TBX19: variants seen among roughly 807,000 people sequenced by gnomAD.
TBX19 encodes T-box transcription factor 19, also known as T-box transcription factor TBX19.
TBX19 carries 33 observed loss-of-function variants against 40.9 expected under a neutral mutation model. That is an observed-to-expected ratio of 0.81 (90% CI 0.61 to 1.08). TBX19 has a LOEUF of 1.08. Ranked by LOEUF, TBX19 falls within the 50% of genes least tolerant of loss-of-function variation. The pLI is 0.00. For missense variants in TBX19, 494 were observed against 574.0 expected, an observed-to-expected ratio of 0.86 and a Z score of 1.42; for synonymous variants, 220 against 225.0, an observed-to-expected ratio of 0.98 and a Z score of 0.20.
At chr1:168,296,281 C>T (rs944911364) in intron 3 of TBX19, among the ~76,000 whole-genome samples, 5 of 152,178 alleles carry the variant, frequency 3.3e-5, no homozygotes, top group Non-Finnish European at 7.3e-5. Context: ...CTCACAAGTT[C>T]TGAGCCAGAA....
At chr1:168,283,035 A>G (rs768513198) in intron 1 of TBX19, among the ~76,000 whole-genome samples, 3 of 152,182 alleles carry the variant, frequency 2.0e-5, no homozygotes, top group Non-Finnish European at 4.4e-5. Flanking sequence ...ATTTTCCCCT[A>G]TATTTAAAAT....
At chr1:168,312,572 A>G in intron 7 of TBX19, 136 bp from the exon 8 acceptor site, 1 of 976,720 alleles carries the variant, frequency 1.0e-6, no homozygotes, top group Non-Finnish European at 1.6e-6. Flanking sequence ...TCTGCGTCAT[A>G]GCTAGAAATA....
At chr1:168,305,598 C>G (rs1160107881) in intron 6 of TBX19, among the ~76,000 whole-genome samples, 1 of 152,160 alleles carries the variant, frequency 6.6e-6, no homozygotes, top group Non-Finnish European at 1.5e-5. Flanking sequence ...TCAGGGAATA[C>G]TGGGTCTAGC....
Position 168,281,304 on chromosome 1 carries a change from C to G in TBX19, c.203+11C>G, listed in dbSNP as rs772544411. On this transcript the variant is annotated intron_variant, in intron 1 of 7. Coordinates refer to ENST00000367821, the MANE Select transcript of TBX19 (RefSeq NM_005149.3). ...GACCAAGAATGGCAGGTGAGTTTATCTGCCGCCCCGCGTGGGCTGGCAGGG... is the reference window on the plus strand; with the variant it reads ...GACCAAGAATGGCAGGTGAGTTTATGTGCCGCCCCGCGTGGGCTGGCAGGG... 48 of 1,613,872 alleles carry G rather than the reference C, an allele frequency of 3.0e-5. 1 individual carries two copies. In the South Asian group the frequency reaches 5.3e-4, roughly 18 times the overall value.
rs576060086 is a variant in TBX19, at chr1:168,300,648, C to T, written c.727+165C>T. Among the ~76,000 whole-genome samples, 293 of 152,248 alleles carry T rather than the reference C, an allele frequency of 1.9e-3. 2 individuals carry two copies. Among genetic ancestry groups the T allele is most frequent in the Non-Finnish European group, 2.7e-3 (182 of 68,028 alleles). On this transcript the variant is annotated intron_variant, in intron 5 of 7. Coordinates refer to ENST00000367821, the MANE Select transcript of TBX19 (RefSeq NM_005149.3). ...ACAAATTTGTGCCCTTTCCAGAATT[C>T]CAGAGAGAGAGCCAATGGTCCTAGG...
chr1:168,282,577 A>G (rs1648687956), intron 1 of TBX19, among the ~76,000 whole-genome samples: 2 of 152,200 alleles, frequency 1.3e-5, no homozygotes, highest in South Asian at 4.1e-4. Flanking sequence ...CTGTAATTAT[A>G]GTTCCTTCTC....
rs1259580058 is a variant in TBX19 at position 168,280,964 on chromosome 1, C to T, written c.-127C>T. Reference sequence around the variant, plus strand: ...TCATCCTAGGAGCTTAGGCAAGAGCCAGGGTATCTTCTCTCCGCTCCCCAA... The same window carrying T: ...TCATCCTAGGAGCTTAGGCAAGAGCTAGGGTATCTTCTCTCCGCTCCCCAA... On this transcript the variant is annotated 5_prime_UTR_variant, in exon 1 of 8. Transcript: ENST00000367821. 9.2e-6 allele frequency: 8 copies of T among 870,770 alleles called. No individual in the cohort carries two copies. The highest frequency in any genetic ancestry group is 1.1e-5 in the Non-Finnish European group (6 of 535,574). 53.9% of individuals were successfully genotyped at this position (870,770 alleles called of 1,614,324 possible). A position where few individuals can be genotyped will look rare whatever the true frequency, so the allele number is the denominator to read the frequency against.
intron 1 of TBX19, among the ~76,000 whole-genome samples, chr1:168,288,261 A>G (rs772946382): frequency 2.2e-5 from 3 of 135,706 alleles, no homozygotes; most frequent in Non-Finnish European, 4.8e-5. Flanking sequence ...TGCTATGTAA[A>G]TAGTTATGCC....
chr1:168,297,096 C>T (rs1649130527), intron 3 of TBX19, among the ~76,000 whole-genome samples: 1 of 151,772 alleles, frequency 6.6e-6, no homozygotes, highest in South Asian at 2.1e-4. Context: ...ATCTCTATCA[C>T]GATCACTATC....
intron 7 of TBX19, 141 bp from the exon 8 acceptor site, chr1:168,312,567 G>A (rs577982799): frequency 3.0e-5 from 28 of 937,032 alleles, no homozygotes; most frequent in Middle Eastern, 3.2e-4. Flanking sequence ...ACCAATCTGC[G>A]TCATAGCTAG....
At chr1:168,308,504 A>T in intron 6 of TBX19, 1 of 531,150 alleles carries the variant, frequency 1.9e-6, no homozygotes, top group Non-Finnish European at 3.4e-6. Flanking sequence ...CGTATCTATA[A>T]GATGGAGTTA....
In TBX19 at chr1:168,293,285, G is replaced by GTGTT. The variant is rs72294615; in HGVS notation, c.603+10_603+11insTTGT. The GTGTT allele has an allele frequency of 0.055, 43,353 of 793,836 alleles. 504 individuals carry two copies. The highest frequency in any genetic ancestry group is 0.14 in the African/African-American group (3,515 of 24,922). 49.2% of individuals were successfully genotyped at this position (793,836 alleles called of 1,614,324 possible). On this transcript the variant is annotated splice_region_variant and intron_variant, in intron 3 of 7. Transcript: ENST00000367821. ...TGCCTATCAGAATGAGGAGGTAAGA[G>GTGTT]TGTGTGTGTGTGTGTGTGTGTGTGT...
chr1:168,281,978 A>G (rs1447928320), intron 1 of TBX19, among the ~76,000 whole-genome samples: 1 of 152,186 alleles, frequency 6.6e-6, no homozygotes, highest in African/African-American at 2.4e-5. Flanking sequence ...CATTTCTCAG[A>G]TTCTATTAAA....
At chr1:168,312,553 C>T (rs1572485665) in intron 7 of TBX19, among the ~76,000 whole-genome samples, 155 bp from the exon 8 acceptor site, 2 of 152,304 alleles carry the variant, frequency 1.3e-5, no homozygotes, top group African/African-American at 4.8e-5. Flanking sequence ...TCTGCAGAAA[C>T]AGGACCAATC....
At chr1:168,284,463 C>T in intron 1 of TBX19, among the ~76,000 whole-genome samples, 1 of 151,798 alleles carries the variant, frequency 6.6e-6, no homozygotes, top group East Asian at 1.9e-4. Flanking sequence ...TTGCTTGAGC[C>T]CAGGAGTTTG....
chr1:168,298,410 T>G (rs1187642570), intron 4 of TBX19, among the ~76,000 whole-genome samples: 2 of 144,902 alleles, frequency 1.4e-5, no homozygotes, highest in Non-Finnish European at 2.9e-5. Flanking sequence ...CACTCTGCCT[T>G]TTTCCTAATT....
rs1649564511 is a variant in TBX19 at position 168,313,012 on chromosome 1, T to C, written c.*10T>C. 1.2e-6 allele frequency: 2 copies of C among 1,613,966 alleles called. No individual in the cohort carries two copies. Among genetic ancestry groups the C allele is most frequent in the South Asian group, 2.2e-5 (2 of 91,072 alleles). ...CTCACTGGATGGTTAAGCAGGATCC[T>C]AGGAGCCTCTTTGCACAGCGATCCT... On this transcript the variant is annotated 3_prime_UTR_variant, in exon 8 of 8. Coordinates refer to ENST00000367821, the MANE Select transcript of TBX19 (RefSeq NM_005149.3).
In TBX19 at chr1:168,308,590, T is replaced by C. The variant is rs573558511; in HGVS notation, c.917-152T>C. 3 of 997,730 alleles carry C rather than the reference T, an allele frequency of 3.0e-6. No individual in the cohort carries two copies. The East Asian group carries it at 7.6e-5, about 25-fold the overall frequency. The allele number at this position is 997,730 out of a possible 1,614,324, so 61.8% of individuals were successfully genotyped here. A position where few individuals can be genotyped will look rare whatever the true frequency, so the allele number is the denominator to read the frequency against. On this transcript the variant is annotated intron_variant, in intron 6 of 7. Coordinates refer to ENST00000367821, the MANE Select transcript of TBX19 (RefSeq NM_005149.3). The stretch of plus-strand genomic sequence containing the variant: ...TGACATTGAGGAAACCCACGTTTCT[T>C]TTTATTTTCTATTTCCCTGAGAAAG...
intron 6 of TBX19, among the ~76,000 whole-genome samples, chr1:168,306,498 C>T (rs369631655): frequency 1.3e-5 from 2 of 151,852 alleles, no homozygotes; most frequent in East Asian, 1.9e-4. Context: ...TGGTCGTTGG[C>T]GCCTGTAATC....
Sources: allele counts gnomAD v4.1 joint callset (sites outside exome capture counted in the v4.1 genomes callset), GRCh38; gene constraint gnomAD v4.1.1; transcripts MANE v1.5; gene names NCBI Gene and HGNC (gene_info 2026-07-23, HGNC 2026-07-21).